Variants in SRGAP1 observed in about 807,000 individuals in gnomAD.
The protein encoded by SRGAP1 is SLIT-ROBO Rho GTPase-activating protein 1.
A neutral mutation model predicts 121.9 loss-of-function variants in SRGAP1; 43 were observed. That is an observed-to-expected ratio of 0.35 (90% CI 0.28 to 0.46). SRGAP1 has a LOEUF of 0.46. Ranked by LOEUF, SRGAP1 falls within the 20% of genes least tolerant of loss-of-function variation. The probability of loss-of-function intolerance (pLI) is 1.00; values close to 1 mark genes in which losing one functional copy is unlikely to be tolerated. For synonymous variants in SRGAP1, 447 were observed against 485.4 expected, an observed-to-expected ratio of 0.92 and a Z score of 1.04; for missense variants, 1,102 against 1,350.9, an observed-to-expected ratio of 0.82 and a Z score of 2.89.
chr12:64,000,239 G>GGTGTGTGTGTGT lies in SRGAP1; in HGVS notation c.426+10192_426+10203dup, dbSNP rs58289093. Among the ~76,000 whole-genome samples, 1,108 of 131,536 alleles carry GGTGTGTGTGTGT rather than the reference G, an allele frequency of 8.4e-3. 18 individuals are homozygous for GGTGTGTGTGTGT. Among genetic ancestry groups the GGTGTGTGTGTGT allele is most frequent in the African/African-American group, 0.021 (711 of 34,210 alleles). The allele number at this position is 131,536 out of a possible 152,430, so 86.3% of individuals were successfully genotyped here. On this transcript the variant is annotated intron_variant, in intron 3 of 21. Coordinates refer to ENST00000355086, the MANE Select transcript of SRGAP1 (RefSeq NM_020762.4). The stretch of plus-strand genomic sequence containing the variant: ...AAGAACATTGGTCAAGAAAGGTAGG[G>GGTGTGTGTGTGT]GTGTGTGTGTGTGTGTGTGTGTGTG...
At chr12:64,122,891 T>C (rs1312858609) in intron 18 of SRGAP1, among the ~76,000 whole-genome samples, 2 of 152,150 alleles carry the variant, frequency 1.3e-5, no homozygotes, top group Admixed American at 6.5e-5. Context: ...AACAAGAGTC[T>C]GTCTCAAAAT....
chr12:63,903,569 T>C (rs974767833), intron 1 of SRGAP1, among the ~76,000 whole-genome samples: 4 of 150,306 alleles, frequency 2.7e-5, no homozygotes, highest in Admixed American at 6.6e-5. Flanking sequence ...GTTTTTTTTT[T>C]CTTTGAGACA....
At chr12:64,037,297 C>G (rs969713657) in intron 4 of SRGAP1, among the ~76,000 whole-genome samples, 12 of 152,118 alleles carry the variant, frequency 7.9e-5, no homozygotes, top group Admixed American at 7.2e-4. Context: ...GCATTGAACT[C>G]CATGGTAGAG....
At chr12:63,990,660 A>AT (rs2033533773) in intron 3 of SRGAP1, among the ~76,000 whole-genome samples, 2 of 152,228 alleles carry the variant, frequency 1.3e-5, no homozygotes, top group South Asian at 4.1e-4. Context: ...CAATGTGAGC[A>AT]AAAATTTTGA....
intron 1 of SRGAP1, among the ~76,000 whole-genome samples, chr12:63,965,244 A>G (rs2032758853): frequency 6.6e-6 from 1 of 152,230 alleles, no homozygotes; most frequent in African/African-American, 2.4e-5. Context: ...CTTCCGCACC[A>G]AAGACAGTAT....
At position 64,151,552 on chromosome 12, in the gene SRGAP1, G is replaced by C. The variant is rs764694074; in HGVS notation, c.*8880G>C. On this transcript the variant is annotated 3_prime_UTR_variant, in exon 22 of 22. Coordinates refer to ENST00000355086, the MANE Select transcript of SRGAP1 (RefSeq NM_020762.4). ...GTCAGAGGATGCAATTATCTGTAAGGCTCATGACAAATATTGCCGACCTGT... is the reference window on the plus strand; with the variant it reads ...GTCAGAGGATGCAATTATCTGTAAGCCTCATGACAAATATTGCCGACCTGT... The C allele has an allele frequency of 3.3e-5, 5 of 152,008 alleles. No homozygotes were observed. The highest frequency in any genetic ancestry group is 9.7e-5 in the African/African-American group (4 of 41,378). 9.4% of individuals were successfully genotyped at this position (152,008 alleles called of 1,614,324 possible).
chr12:63,970,677 A>C (rs2032920910), intron 1 of SRGAP1, among the ~76,000 whole-genome samples: 2 of 152,208 alleles, frequency 1.3e-5, no homozygotes. Flanking sequence ...CTCGGATTGC[A>C]TTATGGTACT....
chr12:63,896,656 A>G (rs923498157), intron 1 of SRGAP1, among the ~76,000 whole-genome samples: 1 of 152,172 alleles, frequency 6.6e-6, no homozygotes, highest in African/African-American at 2.4e-5. Context: ...GTATTAGTAA[A>G]TGATGTTTAT....
Position 64,147,597 on chromosome 12 carries a change from C to T in SRGAP1, c.*4925C>T. 1 of 398,776 alleles carries T rather than the reference C, an allele frequency of 2.5e-6. No homozygotes were observed. Among genetic ancestry groups the T allele is most frequent in the Non-Finnish European group, 4.4e-6 (1 of 226,144 alleles). 24.7% of individuals were successfully genotyped at this position (398,776 alleles called of 1,614,324 possible). ...CCCGCTCATGTGCTGCTGACAGCAT[C>T]GCATTCGCCCGTGCTCTGTACTGCC... is the stretch of plus-strand genomic sequence containing the variant. On this transcript the variant is annotated 3_prime_UTR_variant, in exon 22 of 22. Transcript: ENST00000355086.
intron 4 of SRGAP1, among the ~76,000 whole-genome samples, chr12:64,018,455 TC>T (rs1328160812): frequency 6.6e-6 from 1 of 152,178 alleles, no homozygotes; most frequent in Non-Finnish European, 1.5e-5. Flanking sequence ...ATTTACCAAT[TC>T]CATTTGTTCC....
chr12:63,901,026 CCTG>C (rs1358974403), intron 1 of SRGAP1, among the ~76,000 whole-genome samples: 1 of 151,300 alleles, frequency 6.6e-6, no homozygotes, highest in African/African-American at 2.4e-5. Context: ...ACAGTTCTGA[CCTG>C]CTGGTTTGGG....
chr12:63,968,160 T>C (rs1277503510), intron 1 of SRGAP1, among the ~76,000 whole-genome samples: 1 of 152,224 alleles, frequency 6.6e-6, no homozygotes, highest in Non-Finnish European at 1.5e-5. Flanking sequence ...CTATACACTA[T>C]TATTGATGTG....
rs189676015 is a variant in SRGAP1 at position 63,894,201 on chromosome 12, A to T, written c.67+49318A>T. Among the ~76,000 whole-genome samples the T allele has an allele frequency of 2.7e-3, 409 of 151,614 alleles. 1 individual carries two copies. The highest frequency in any genetic ancestry group is 9.5e-3 in the African/African-American group (392 of 41,344). On this transcript the variant is annotated intron_variant, in intron 1 of 21. Transcript: ENST00000355086. Reference sequence around the variant, plus strand: ...TTTGCTGTGTTCAAGGCACTCTGCTATTTTTCTTTCTTTTTTTTTTAAAGT... The same window carrying T: ...TTTGCTGTGTTCAAGGCACTCTGCTTTTTTTCTTTCTTTTTTTTTTAAAGT...
At chr12:64,034,765 A>C (rs2034861004) in intron 4 of SRGAP1, among the ~76,000 whole-genome samples, 2 of 152,206 alleles carry the variant, frequency 1.3e-5, no homozygotes, top group Admixed American at 6.5e-5. Flanking sequence ...AAGACCTCAC[A>C]GCAAGTAAGG....
intron 16 of SRGAP1, among the ~76,000 whole-genome samples, chr12:64,111,120 G>A (rs1423850791): frequency 6.6e-6 from 1 of 152,070 alleles, no homozygotes; most frequent in African/African-American, 2.4e-5. Context: ...CTAGACAACT[G>A]GAAATCTCCC....
intron 3 of SRGAP1, among the ~76,000 whole-genome samples, chr12:63,995,737 C>T (rs886613118): frequency 6.6e-6 from 1 of 152,084 alleles, no homozygotes. Context: ...GTCAGACTCA[C>T]AGAAATTCAG....
At chr12:64,117,093 A>G (rs933523189) in intron 18 of SRGAP1, among the ~76,000 whole-genome samples, 2 of 152,150 alleles carry the variant, frequency 1.3e-5, no homozygotes, top group Non-Finnish European at 2.9e-5. Flanking sequence ...CCTGATAATC[A>G]GGGTGGTGGG....
chr12:64,006,211 G>T (rs1220630286), intron 3 of SRGAP1, among the ~76,000 whole-genome samples: 1 of 152,142 alleles, frequency 6.6e-6, no homozygotes, highest in East Asian at 1.9e-4. Flanking sequence ...TTCTATACTG[G>T]CAGACCAGCA....
At chr12:63,936,548 T>A (rs1385119911) in intron 1 of SRGAP1, among the ~76,000 whole-genome samples, 2 of 152,146 alleles carry the variant, frequency 1.3e-5, no homozygotes, top group Non-Finnish European at 2.9e-5. Flanking sequence ...TGGTCTCATA[T>A]GACACCCGGA....
Sources: allele counts gnomAD v4.1 joint callset (sites outside exome capture counted in the v4.1 genomes callset), GRCh38; gene constraint gnomAD v4.1.1; transcripts MANE v1.5; gene names NCBI Gene and HGNC (gene_info 2026-07-23, HGNC 2026-07-21).